The following UTP20 variants were observed in gnomAD, a reference collection of about 807,000 sequenced individuals.
The protein encoded by UTP20 is small subunit processome component 20 homolog.
In UTP20, 164 loss-of-function variants were observed where a neutral mutation model predicts 329.5. The observed-to-expected ratio is 0.50, with a 90% confidence interval of 0.44 to 0.57. UTP20 has a LOEUF of 0.57. Among genes scored for constraint, UTP20 ranks in the 20% least tolerant of loss-of-function variants. The pLI is 0.00. For synonymous variants in UTP20, 1,151 were observed against 1,159.3 expected (o/e 0.99, Z 0.14); for missense variants, 3,055 against 3,284.2 (o/e 0.93, Z 1.71).
At chr12:101,317,433 G>A (rs1372196155) in intron 21 of UTP20, 45 bp from the exon 22 acceptor site, 1 of 1,592,420 alleles carries the variant, frequency 6.3e-7, no homozygotes, top group African/African-American at 1.3e-5. Context: ...TTTCAGATTG[G>A]TGTGCGTTCT....
At chr12:101,339,295 A>G (rs1218122098) in intron 31 of UTP20, among the ~76,000 whole-genome samples, 4 of 152,180 alleles carry the variant, frequency 2.6e-5, no homozygotes. Flanking sequence ...CCTGGGCGAC[A>G]GAGTGAGACT....
chr12:101,383,051 A>G lies in UTP20; in HGVS notation c.7667A>G (p.Asn2556Ser). ...CGTTTTTTTTTAAAGGTTGTTAAGA[A>G]TTTGTTGTTCGCAGCCAAAGTCTTG... ...DQSLGEQVVKNLLFAAKVLYL... is the reference protein window; with the variant it reads ...DQSLGEQVVKSLLFAAKVLYL... The change falls in exon 59 of 62, where the codon AAT (asparagine) becomes AGT (serine). Residue 2556 changes from asparagine (N) to serine (S), a missense_variant. This residue lies in a region of UTP20 where 337 missense variants were observed against 345.5 expected (regional missense o/e 0.98). Coordinates refer to ENST00000261637, the MANE Select transcript of UTP20 (RefSeq NM_014503.3). The G allele has an allele frequency of 1.9e-6, 3 of 1,593,010 alleles. No individual in the cohort carries two copies. The South Asian group carries it at 3.5e-5, about 18-fold the overall frequency.
Position 101,383,318 on chromosome 12 carries a change from G to A in UTP20, c.7929+5G>A, listed in dbSNP as rs533673342. ...TCGCCGAGAAACCCCTTAAAGGTGCGATGAATGCACAGAATGACTGACAGT... is the reference window on the plus strand; with the variant it reads ...TCGCCGAGAAACCCCTTAAAGGTGCAATGAATGCACAGAATGACTGACAGT... On this transcript the variant is annotated splice_donor_5th_base_variant and intron_variant, in intron 59 of 61. Transcript: ENST00000261637. 16 of 1,610,980 alleles carry A rather than the reference G, an allele frequency of 9.9e-6. No homozygotes were observed. Among genetic ancestry groups the A allele is most frequent in the Middle Eastern group, 3.3e-4 (2 of 6,042 alleles).
rs1399157401 is a variant in UTP20, at chr12:101,308,827, G to A, written c.2154+484G>A. 2.6e-5 allele frequency among the ~76,000 whole-genome samples: 4 copies of A among 151,850 alleles called. No individual in the cohort carries two copies. In the East Asian group the frequency reaches 7.7e-4, roughly 29 times the overall value. ...TGCTCACTGCAAGCTCAGCCTCCCG[G>A]GTTCACACCATTCTCCTGCCTCAGC... On this transcript the variant is annotated intron_variant, in intron 18 of 61. Transcript: ENST00000261637.
Position 101,345,603 on chromosome 12 carries a change from T to C in UTP20, c.4655T>C (p.Phe1552Ser), listed in dbSNP as rs548640606. Reference sequence around the variant, plus strand: ...ATACTTTCCTGTTTAATTCAAACCTTTCCAAACCAACTGGAATTCAAAGAC... The same window carrying C: ...ATACTTTCCTGTTTAATTCAAACCTCTCCAAACCAACTGGAATTCAAAGAC... ...TTILSCLIQT[F>S]PNQLEFKDLV... Residue 1552 changes from phenylalanine (F) to serine (S), a missense_variant, in exon 37 of 62, where the codon TTT becomes TCT. Transcript: ENST00000261637. The C allele has an allele frequency of 2.4e-5, 38 of 1,611,598 alleles. 1 individual carries two copies. In the East Asian group the frequency reaches 4.7e-4, roughly 20 times the overall value.
chr12:101,356,750 C>T, intron 42 of UTP20, 57 bp downstream of exon 42: 1 of 1,563,842 alleles, frequency 6.4e-7, no homozygotes, highest in Non-Finnish European at 8.7e-7. Context: ...TTCTTTTCTT[C>T]CTTACTTTTG....
chr12:101,328,868 CAAAAAAA>C (rs34117186), intron 26 of UTP20, among the ~76,000 whole-genome samples: 5 of 106,048 alleles, frequency 4.7e-5, no homozygotes, highest in African/African-American at 1.8e-4. Flanking sequence ...GACTCTGTCT[CAAAAAAA>C]AAAAAAAAAA....
chr12:101,356,559 A>C lies in UTP20; in HGVS notation c.5400A>C (p.Lys1800Asn). 1 of 1,610,182 alleles carries C rather than the reference A, an allele frequency of 6.2e-7. No homozygotes were observed. Among genetic ancestry groups the C allele is most frequent in the Non-Finnish European group, 8.5e-7 (1 of 1,178,562 alleles). Residue 1800 changes from lysine to asparagine, a missense_variant, in exon 42 of 62, where the codon AAA becomes AAC. Physicochemically the swap from Lys to Asn is moderately conservative, Grantham distance 94. Coordinates refer to ENST00000261637, the MANE Select transcript of UTP20 (RefSeq NM_014503.3). ...AACCTAAATTTTTCTTACAGACTAAAAGGGAAGAAGAACACAAGCTTGTCA... is the reference window on the plus strand; with the variant it reads ...AACCTAAATTTTTCTTACAGACTAACAGGGAAGAAGAACACAAGCTTGTCA... ...RLHKCLASTT[K>N]REEEHKLVKS...
chr12:101,368,183 G>A (rs1024642545), intron 48 of UTP20, among the ~76,000 whole-genome samples: 1 of 151,018 alleles, frequency 6.6e-6, no homozygotes, highest in Non-Finnish European at 1.5e-5. Context: ...GTGCAGTGGT[G>A]CAATCTTGAC....
chr12:101,366,779 G>C (rs1593451055), intron 47 of UTP20, 80 bp downstream of exon 47: 1 of 1,484,778 alleles, frequency 6.7e-7, no homozygotes, highest in African/African-American at 1.4e-5. Context: ...TTCTAGTACT[G>C]CTCACTTCCA....
intron 40 of UTP20, among the ~76,000 whole-genome samples, chr12:101,353,445 A>G (rs1869607061): frequency 6.6e-6 from 1 of 152,242 alleles, no homozygotes; most frequent in Admixed American, 6.5e-5. Flanking sequence ...AAGTGTAAGA[A>G]AATAAGTAAT....
Position 101,342,549 on chromosome 12 carries a change from A to G in UTP20, c.4205A>G (p.Lys1402Arg). 3 of 1,613,696 alleles carry G rather than the reference A, an allele frequency of 1.9e-6. No individual in the cohort carries two copies. Among genetic ancestry groups the G allele is most frequent in the Non-Finnish European group, 2.5e-6 (3 of 1,179,858 alleles). ...KPIAKLFSVI[K>R]NKLSRKLLCT... is the part of the protein sequence containing the mutation. ...ATAGCAAAACTTTTCTCAGTTATTA[A>G]GAACAAATTGTCAAGAAAATTGCTT... Residue 1402 changes from lysine to arginine, a missense_variant, in exon 33 of 62, where the codon AAG becomes AGG. Around this residue, in one of 3 missense-constraint regions of UTP20, gnomAD observed 2,445 missense variants for 2,575.5 expected, o/e 0.95. Transcript: ENST00000261637.
Position 101,385,732 on chromosome 12 carries a change from A to G in UTP20, c.8202+4A>G. 2 of 1,608,792 alleles carry G rather than the reference A, an allele frequency of 1.2e-6. No homozygotes were observed. The highest frequency in any genetic ancestry group is 1.1e-5 in the South Asian group (1 of 89,800). ...GAAAAAGAGGAAGGCCCTGGAGGTA[A>G]GTTTGCTCTTTGAAAATATGGCATG... On this transcript the variant is annotated splice_donor_region_variant and intron_variant, in intron 61 of 61. Transcript: ENST00000261637.
chr12:101,360,141 G>T (rs1326442921), intron 43 of UTP20, among the ~76,000 whole-genome samples: 1 of 152,162 alleles, frequency 6.6e-6, no homozygotes, highest in Non-Finnish European at 1.5e-5. Context: ...AGAGTTGAGA[G>T]AACAACTGAT....
chr12:101,307,496 CCTT>C (rs1435660349), intron 17 of UTP20, among the ~76,000 whole-genome samples: 1 of 152,118 alleles, frequency 6.6e-6, no homozygotes. Context: ...CCTGGCTCAT[CCTT>C]CTGAGTAGCT....
Position 101,342,790 on chromosome 12 carries a change from C to G in UTP20, c.4249C>G (p.Leu1417Val), listed in dbSNP as rs1404041133. ...RKLLCTVFET[L>V]SDFESGLKYI... ...ACACTGTTTTCTTTCCTTTCAGACT[C>G]TTTCTGATTTTGAGAGTGGGTTAAA... Residue 1417 changes from leucine to valine, a missense_variant, in exon 34 of 62, where the codon CTT becomes GTT. Physicochemically the swap from Leu to Val is conservative, Grantham distance 32. Around this residue, in one of 3 missense-constraint regions of UTP20, gnomAD observed 2,445 missense variants for 2,575.5 expected, o/e 0.95. Coordinates refer to ENST00000261637, the MANE Select transcript of UTP20 (RefSeq NM_014503.3). 4.3e-6 allele frequency: 7 copies of G among 1,612,908 alleles called. No individual in the cohort carries two copies. The highest frequency in any genetic ancestry group is 5.9e-6 in the Non-Finnish European group (7 of 1,179,482).
chr12:101,345,778 T>G (rs1211665291), intron 37 of UTP20, 84 bp downstream of exon 37: 8 of 1,308,762 alleles, frequency 6.1e-6, no homozygotes, highest in Non-Finnish European at 3.1e-6. Context: ...AAGACATGTT[T>G]TAACTTTCCA....
intron 26 of UTP20, among the ~76,000 whole-genome samples, chr12:101,328,843 T>C (rs957269835): frequency 2.1e-5 from 3 of 144,776 alleles, no homozygotes; most frequent in Admixed American, 1.4e-4. Context: ...CACTCCAGCC[T>C]GGGCGACAGA....
At chr12:101,378,217 A>G (rs2121053041) in intron 56 of UTP20, among the ~76,000 whole-genome samples, 1 of 152,336 alleles carries the variant, frequency 6.6e-6, no homozygotes, top group East Asian at 1.9e-4. Flanking sequence ...TTGTTTCTTC[A>G]TCTGTAAGAT....
Sources: allele counts gnomAD v4.1 joint callset (sites outside exome capture counted in the v4.1 genomes callset), GRCh38; gene constraint gnomAD v4.1.1; regional missense constraint gnomAD v4.1.1; transcripts MANE v1.5; gene names NCBI Gene and HGNC (gene_info 2026-07-23, HGNC 2026-07-21).